Variants in PRKAG2 observed in about 807,000 individuals in gnomAD.
The protein encoded by PRKAG2 is protein kinase AMP-activated non-catalytic subunit gamma 2.
In PRKAG2, 26 loss-of-function variants were observed where a neutral mutation model predicts 69.6. The observed-to-expected ratio is 0.37, with a 90% CI of 0.27 to 0.52. The LOEUF (loss-of-function observed/expected upper bound fraction) is 0.52. PRKAG2 is among the 20% of genes least tolerant of loss of function. The pLI, the probability that PRKAG2 is intolerant of heterozygous loss-of-function variation, is 0.90. For missense variants in PRKAG2, 557 were observed against 740.0 expected, an observed-to-expected ratio of 0.75 and a Z score of 2.87; for synonymous variants, 293 against 285.0, an observed-to-expected ratio of 1.03 and a Z score of -0.28.
At chr7:151,876,471 G>C in intron 1 of PRKAG2, 36 bp downstream of exon 1, 2 of 1,576,140 alleles carry the variant, frequency 1.3e-6, no homozygotes, top group Non-Finnish European at 1.7e-6. Context: ...AGCGACAGGA[G>C]GGCTGGGGAG....
intron 3 of PRKAG2, among the ~76,000 whole-genome samples, chr7:151,693,750 C>G (rs1371994196): frequency 2.0e-5 from 3 of 152,172 alleles, no homozygotes; most frequent in African/African-American, 7.2e-5. Context: ...CAGAGAGACC[C>G]CTCCTCCTTC....
chr7:151,846,573 C>T (rs972823085), intron 1 of PRKAG2, among the ~76,000 whole-genome samples: 1 of 152,214 alleles, frequency 6.6e-6, no homozygotes, highest in African/African-American at 2.4e-5. Flanking sequence ...CCCACAACGC[C>T]ACCTCTGTTT....
At chr7:151,876,243 C>A (rs1389426708) in intron 1 of PRKAG2, among the ~76,000 whole-genome samples, 1 of 151,836 alleles carries the variant, frequency 6.6e-6, no homozygotes, top group South Asian at 2.1e-4. Context: ...CCCGCCGCGC[C>A]CGGCGCCCCC....
chr7:151,832,823 C>A (rs993229837), intron 1 of PRKAG2, among the ~76,000 whole-genome samples: 5 of 152,162 alleles, frequency 3.3e-5, no homozygotes, highest in African/African-American at 1.2e-4. Flanking sequence ...CTCCCAGAGA[C>A]CCCTATCCCA....
intron 4 of PRKAG2, among the ~76,000 whole-genome samples, chr7:151,660,494 C>T (rs1468325287): frequency 1.3e-5 from 2 of 152,170 alleles, no homozygotes; most frequent in Non-Finnish European, 2.9e-5. Context: ...TAAATGCTCT[C>T]CAGGCTATAT....
intron 1 of PRKAG2, among the ~76,000 whole-genome samples, chr7:151,821,112 C>G (rs573833543): frequency 2.9e-4 from 1 of 3,472 alleles, no homozygotes; most frequent in East Asian, 3.0e-3. Flanking sequence ...GTGGCACAGA[C>G]AGCAGCCACC....
At chr7:151,870,150 TAGATAGGCAGGCAGGCAGGC>T (rs1563769163) in intron 1 of PRKAG2, among the ~76,000 whole-genome samples, 1 of 128,152 alleles carries the variant, frequency 7.8e-6, no homozygotes, top group African/African-American at 2.8e-5. Flanking sequence ...GATAGATAGA[TAGATAGGCAGGCAGGCAGGC>T]AGGCAGGCAG....
intron 1 of PRKAG2, among the ~76,000 whole-genome samples, chr7:151,875,531 G>A (rs549184438): frequency 5.9e-5 from 9 of 151,396 alleles, no homozygotes; most frequent in South Asian, 2.1e-4. Flanking sequence ...TGCCCCGGGA[G>A]AGCAAAATAA....
rs138501724 is a variant in PRKAG2 at position 151,762,044 on chromosome 7, T to A, written c.466+19108A>T. 3.3e-5 allele frequency among the ~76,000 whole-genome samples: 5 copies of A among 152,374 alleles called. No homozygotes were observed. The East Asian group carries it at 9.6e-4, about 29-fold the overall frequency. Reference sequence around the variant, plus strand: ...AACTGCAGCTCATGGCCTGGGGCCATGCCCTGAGTTAAACCAGGTTCTGCT... The same window carrying A: ...AACTGCAGCTCATGGCCTGGGGCCAAGCCCTGAGTTAAACCAGGTTCTGCT... On this transcript the variant is annotated intron_variant, in intron 3 of 15. Coordinates refer to ENST00000287878, the MANE Select transcript of PRKAG2 (RefSeq NM_016203.4).
At chr7:151,859,312 C>T (rs528972074) in intron 1 of PRKAG2, among the ~76,000 whole-genome samples, 15 of 152,316 alleles carry the variant, frequency 9.8e-5, no homozygotes, top group African/African-American at 3.1e-4. Context: ...CACACGGTAG[C>T]GAAGGCGGAA....
At chr7:151,717,152 C>T (rs1162257527) in intron 3 of PRKAG2, among the ~76,000 whole-genome samples, 2 of 151,244 alleles carry the variant, frequency 1.3e-5, no homozygotes, top group African/African-American at 2.4e-5. Flanking sequence ...AAGGTTGAGG[C>T]AGGAGAATTG....
At chr7:151,690,863 G>A (rs1358403293) in intron 3 of PRKAG2, among the ~76,000 whole-genome samples, 3 of 152,100 alleles carry the variant, frequency 2.0e-5, no homozygotes, top group East Asian at 1.9e-4. Flanking sequence ...GATGCACCTC[G>A]GGTCTTCCAC....
chr7:151,586,566 G>A (rs1020024246), intron 6 of PRKAG2, among the ~76,000 whole-genome samples: 1 of 152,204 alleles, frequency 6.6e-6, no homozygotes, highest in Admixed American at 6.5e-5. Flanking sequence ...GATCAGAAAT[G>A]AGATGTGGTT....
Position 151,650,301 on chromosome 7 carries a change from CA to C in PRKAG2, c.685-18164del, listed in dbSNP as rs11404467. On this transcript the variant is annotated intron_variant, in intron 4 of 15. Transcript: ENST00000287878. ...CCTGGGTGATAGCGAAACCCAGTCT[CA>C]AAAAAAAAAAAAATTTAGAAGAAAA... Among the ~76,000 whole-genome samples the C allele has an allele frequency of 1.4e-3, 198 of 142,106 alleles. No individual in the cohort carries two copies. In the East Asian group the frequency reaches 0.015, roughly 11 times the overall value. 93.2% of individuals were successfully genotyped at this position (142,106 alleles called of 152,430 possible). A position where few individuals can be genotyped will look rare whatever the true frequency, so the allele number is the denominator to read the frequency against.
chr7:151,800,336 C>T (rs1424748470), intron 1 of PRKAG2, among the ~76,000 whole-genome samples: 5 of 141,994 alleles, frequency 3.5e-5, no homozygotes, highest in African/African-American at 8.0e-5. Flanking sequence ...CCAGCCTGGG[C>T]GACAGAGCGA....
chr7:151,623,574 G>A (rs1023887225), intron 5 of PRKAG2, among the ~76,000 whole-genome samples: 7 of 152,048 alleles, frequency 4.6e-5, no homozygotes, highest in African/African-American at 1.7e-4. Flanking sequence ...CTGTGGCTAG[G>A]GGGTTGGGGA....
chr7:151,570,863 G>T (rs1807383820), intron 9 of PRKAG2, among the ~76,000 whole-genome samples: 1 of 152,054 alleles, frequency 6.6e-6, no homozygotes, highest in South Asian at 2.1e-4. Flanking sequence ...TGCCTCCCAG[G>T]TACAAGCAAT....
intron 3 of PRKAG2, chr7:151,736,389 T>TG: frequency 1.1e-6 from 1 of 932,582 alleles, no homozygotes; most frequent in Non-Finnish European, 1.3e-6. Flanking sequence ...AGGGCTTTTT[T>TG]TTTTTTTTTT....
chr7:151,667,676 C>T (rs759127516), intron 4 of PRKAG2, among the ~76,000 whole-genome samples: 1 of 152,196 alleles, frequency 6.6e-6, no homozygotes, highest in Non-Finnish European at 1.5e-5. Flanking sequence ...AGGGACCTTG[C>T]ATATACTTCT....
Sources: allele counts gnomAD v4.1 joint callset (sites outside exome capture counted in the v4.1 genomes callset), GRCh38; gene constraint gnomAD v4.1.1; transcripts MANE v1.5; gene names NCBI Gene and HGNC (gene_info 2026-07-23, HGNC 2026-07-21).